MITF: variants seen among roughly 807,000 people sequenced by gnomAD.
MITF encodes melanocyte inducing transcription factor.
Under a neutral mutation model 60.5 loss-of-function variants are expected in MITF, and 17 were observed. The observed-to-expected ratio is 0.28, with a 90% CI of 0.19 to 0.42. The LOEUF (loss-of-function observed/expected upper bound fraction) is 0.42, where lower values mean the gene tolerates loss of function less well. MITF is among the 10% of genes least tolerant of loss of function. The pLI is 1.00. For synonymous variants in MITF, 260 were observed against 248.5 expected (o/e 1.05, Z -0.43); for missense variants, 622 against 683.5 (o/e 0.91, Z 1.00).
chr3:69,759,614 G>T (rs1035915519), intron 1 of MITF, among the ~76,000 whole-genome samples: 1 of 152,188 alleles, frequency 6.6e-6, no homozygotes, highest in Non-Finnish European at 1.5e-5. Flanking sequence ...AATAATGAGG[G>T]TTGACTATAT....
chr3:69,749,150 G>T (rs1055269211), intron 1 of MITF, among the ~76,000 whole-genome samples: 1 of 152,178 alleles, frequency 6.6e-6, no homozygotes, highest in African/African-American at 2.4e-5. Context: ...TCCTGGTGAA[G>T]GCTACTAGAG....
chr3:69,941,132 A>C (rs1290559424), intron 4 of MITF, 104 bp from the exon 5 acceptor site: 1 of 712,732 alleles, frequency 1.4e-6, no homozygotes, highest in East Asian at 2.7e-5. Context: ...ATCTAACTAA[A>C]GACCATTATT....
Position 69,803,764 on chromosome 3 carries a change from A to G in MITF, c.104+64063A>G, listed in dbSNP as rs374155037. Among the ~76,000 whole-genome samples the G allele has an allele frequency of 8.5e-4, 129 of 152,242 alleles. 1 individual carries two copies. The highest frequency in any genetic ancestry group is 2.9e-3 in the African/African-American group (122 of 41,556). On this transcript the variant is annotated intron_variant, in intron 1 of 9. Transcript: ENST00000352241. ...GTTTGTAATTTCCTCCTAGGAAAAA[A>G]CAAGAATTGCTGCTGCTGTTATTAT...
rs1442654604 is a variant in MITF at position 69,939,153 on chromosome 3, A to G, written c.638A>G (p.Asn213Ser). ...NRAESECPGM[N>S]THSRASCMQM... ...GCAGAGAGCGAGTGCCCAGGCATGA[A>G]CACACATTCACGAGCGTCCTGTATG... The change falls in exon 4 of 10, where the codon AAC (asparagine) becomes AGC (serine). Residue 213 changes from asparagine to serine, a missense_variant. By Grantham distance (46) the Asn-to-Ser change is conservative. Transcript: ENST00000352241. 6.2e-7 allele frequency: 1 copy of G among 1,614,102 alleles called. No individual in the cohort carries two copies. The highest frequency in any genetic ancestry group is 1.1e-5 in the South Asian group (1 of 91,078).
At chr3:69,937,586 T>A (rs1459101547) in intron 2 of MITF, among the ~76,000 whole-genome samples, 3 of 152,198 alleles carry the variant, frequency 2.0e-5, no homozygotes, top group Non-Finnish European at 1.5e-5. Context: ...GAAAGAGACG[T>A]ATAGTTAATT....
intron 5 of MITF, 34 bp from the exon 6 acceptor site, chr3:69,949,017 C>T: frequency 2.8e-6 from 4 of 1,443,918 alleles, no homozygotes; most frequent in Non-Finnish European, 3.9e-6. Flanking sequence ...AATTGTTCAA[C>T]AGTTAATTTC....
At chr3:69,781,838 G>A (rs909399525) in intron 1 of MITF, among the ~76,000 whole-genome samples, 3 of 152,178 alleles carry the variant, frequency 2.0e-5, no homozygotes, top group Non-Finnish European at 2.9e-5. Context: ...ACACAGTTAG[G>A]AACAGCATAT....
Position 69,887,376 on chromosome 3 carries a change from A to G in MITF, c.354+7993A>G, listed in dbSNP as rs544304736. 2.6e-5 allele frequency among the ~76,000 whole-genome samples: 4 copies of G among 152,232 alleles called. No homozygotes were observed. The East Asian group carries it at 7.7e-4, about 29-fold the overall frequency. Reference sequence around the variant, plus strand: ...GGTGGGTGTGATCTGTGTTAAAAATATGTAAATCAGTACAGTGGCTTCACT... The same window carrying G: ...GGTGGGTGTGATCTGTGTTAAAAATGTGTAAATCAGTACAGTGGCTTCACT... On this transcript the variant is annotated intron_variant, in intron 2 of 9. Coordinates refer to ENST00000352241, the MANE Select transcript of MITF (RefSeq NM_001354604.2).
At chr3:69,785,893 C>T (rs985548617) in intron 1 of MITF, among the ~76,000 whole-genome samples, 16 of 151,886 alleles carry the variant, frequency 1.1e-4, no homozygotes, top group African/African-American at 3.6e-4. Flanking sequence ...TGATCTGTAC[C>T]GTGGATGAAG....
intron 8 of MITF, among the ~76,000 whole-genome samples, chr3:69,958,168 G>T (rs960427127): frequency 6.6e-6 from 1 of 152,204 alleles, no homozygotes; most frequent in African/African-American, 2.4e-5. Flanking sequence ...CTTTTAAACT[G>T]AGTGACCCTT....
At chr3:69,913,111 A>G (rs996653091) in intron 2 of MITF, among the ~76,000 whole-genome samples, 3 of 152,068 alleles carry the variant, frequency 2.0e-5, no homozygotes, top group African/African-American at 7.2e-5. Context: ...ATGTAACCAG[A>G]TGTTTGTTTT....
intron 1 of MITF, among the ~76,000 whole-genome samples, chr3:69,862,107 A>T (rs1298569307): frequency 6.6e-6 from 1 of 151,902 alleles, no homozygotes; most frequent in African/African-American, 2.4e-5. Flanking sequence ...ACTTGACTTC[A>T]CTTTAGACCC....
At chr3:69,846,571 T>C (rs955339235) in intron 1 of MITF, among the ~76,000 whole-genome samples, 3 of 152,214 alleles carry the variant, frequency 2.0e-5, no homozygotes, top group African/African-American at 7.2e-5. Context: ...TCCCAGCACT[T>C]TGGGAGGCCA....
intron 1 of MITF, among the ~76,000 whole-genome samples, chr3:69,761,871 A>G (rs1448671323): frequency 6.6e-6 from 1 of 152,230 alleles, no homozygotes; most frequent in South Asian, 2.1e-4. Context: ...GATGACATCA[A>G]GTTGTCTTGT....
intron 2 of MITF, among the ~76,000 whole-genome samples, chr3:69,887,291 G>T (rs1313289498): frequency 1.3e-5 from 2 of 152,112 alleles, no homozygotes; most frequent in Non-Finnish European, 2.9e-5. Context: ...GCACGCTTTT[G>T]AACAGAGATT....
chr3:69,952,134 T>C (rs1385100517), intron 7 of MITF, among the ~76,000 whole-genome samples: 3 of 152,252 alleles, frequency 2.0e-5, no homozygotes, highest in Non-Finnish European at 4.4e-5. Context: ...TTGTTTCTAG[T>C]AGTGGTTTTC....
intron 1 of MITF, among the ~76,000 whole-genome samples, chr3:69,796,042 C>T (rs1412119673): frequency 2.0e-5 from 3 of 151,996 alleles, no homozygotes; most frequent in Non-Finnish European, 4.4e-5. Flanking sequence ...AGAGCAGTGG[C>T]ACAATCTTGA....
At chr3:69,852,455 T>A (rs1309115594) in intron 1 of MITF, among the ~76,000 whole-genome samples, 2 of 152,236 alleles carry the variant, frequency 1.3e-5, no homozygotes, top group Admixed American at 6.5e-5. Flanking sequence ...ATTCTTTCGC[T>A]TAACATTATG....
intron 5 of MITF, among the ~76,000 whole-genome samples, chr3:69,943,276 A>G (rs2066013622): frequency 6.6e-6 from 1 of 151,912 alleles, no homozygotes; most frequent in Non-Finnish European, 1.5e-5. Flanking sequence ...GCCTCCAAAA[A>G]AGGATCTGTA....
Sources: gnomAD v4.1 joint callset for allele counts (sites outside exome capture counted in the v4.1 genomes callset) on GRCh38, gnomAD v4.1.1 for gene constraint, MANE v1.5 for transcripts, NCBI Gene and HGNC (gene_info 2026-07-23, HGNC 2026-07-21) for gene names.